Variants in CACNA1D observed in about 807,000 individuals in gnomAD.
The protein encoded by CACNA1D is calcium voltage-gated channel subunit alpha1 D, also known as voltage-dependent L-type calcium channel subunit alpha-1D.
Under a neutral mutation model 257.1 loss-of-function variants are expected in CACNA1D, and 55 were observed. That is an observed-to-expected ratio of 0.21 (90% CI 0.17 to 0.27). CACNA1D has a LOEUF of 0.27. Among genes scored for constraint, CACNA1D ranks in the 10% least tolerant of loss-of-function variants. The pLI is 1.00. For synonymous variants in CACNA1D, 980 were observed against 1,014.9 expected (o/e 0.97, Z 0.65); for missense variants, 1,876 against 2,784.0 (o/e 0.67, Z 7.34).
chr3:53,713,502 ATG>A (rs35655186), intron 9 of CACNA1D, among the ~76,000 whole-genome samples: 23,016 of 129,146 alleles, frequency 0.18, 2,100 homozygotes, highest in Non-Finnish European at 0.23. Flanking sequence ...CTCTGTGTGT[ATG>A]TGTGTGTGTG....
At chr3:53,697,913 G>C (rs1386604637) in intron 8 of CACNA1D, among the ~76,000 whole-genome samples, 1 of 152,024 alleles carries the variant, frequency 6.6e-6, no homozygotes, top group African/African-American at 2.4e-5. Flanking sequence ...CCCTTGCCCT[G>C]GAATCACCCA....
At chr3:53,766,960 C>T (rs774430780) in intron 30 of CACNA1D, among the ~76,000 whole-genome samples, 3 of 152,204 alleles carry the variant, frequency 2.0e-5, no homozygotes, top group Non-Finnish European at 2.9e-5. Flanking sequence ...AGCCCACTTG[C>T]GTTCCAGCTC....
At chr3:53,538,519 T>G (rs2092200046) in intron 3 of CACNA1D, among the ~76,000 whole-genome samples, 1 of 152,162 alleles carries the variant, frequency 6.6e-6, no homozygotes. Context: ...TGTTTTTTGG[T>G]TTTTGTAATT....
chr3:53,581,443 C>T (rs2093131350), intron 3 of CACNA1D, among the ~76,000 whole-genome samples: 1 of 152,258 alleles, frequency 6.6e-6, no homozygotes, highest in Admixed American at 6.5e-5. Flanking sequence ...TCACATCACA[C>T]ACACACAAAG....
intron 43 of CACNA1D, among the ~76,000 whole-genome samples, chr3:53,802,608 A>G (rs549387655): frequency 3.3e-5 from 5 of 152,234 alleles, no homozygotes; most frequent in Non-Finnish European, 4.4e-5. Flanking sequence ...CCCTCAAGAT[A>G]TGTGTAGTAT....
Position 53,598,010 on chromosome 3 carries a change from C to A in CACNA1D, c.484-52769C>A, listed in dbSNP as rs116135415. Among the ~76,000 whole-genome samples the A allele has an allele frequency of 9.4e-3, 1,430 of 152,168 alleles. 31 individuals carry two copies. The highest frequency in any genetic ancestry group is 0.032 in the African/African-American group (1,336 of 41,496). On this transcript the variant is annotated intron_variant, in intron 3 of 47. Transcript: ENST00000350061. Reference sequence around the variant, plus strand: ...CCTGGCAGTTTGATGTTTATCATTTCCTGTCATTGAGGAATGTGTTTTTCT... The same window carrying A: ...CCTGGCAGTTTGATGTTTATCATTTACTGTCATTGAGGAATGTGTTTTTCT...
chr3:53,646,320 C>G (rs1176042139), intron 3 of CACNA1D, among the ~76,000 whole-genome samples: 1 of 152,176 alleles, frequency 6.6e-6, no homozygotes, highest in Non-Finnish European at 1.5e-5. Context: ...CAGTTTGACT[C>G]TTTATTTCAG....
chr3:53,551,882 T>G (rs1333632996), intron 3 of CACNA1D, among the ~76,000 whole-genome samples: 2 of 152,312 alleles, frequency 1.3e-5, no homozygotes, highest in Non-Finnish European at 2.9e-5. Context: ...TTCACTTGGC[T>G]CCATGGTGAA....
rs182216868 is a variant in CACNA1D, at chr3:53,527,286, C to T, written c.483+25566C>T. ...CCATGTCTGTTGGAGCATTCTTCTACTCCAGTGTGGATTTGCCTTTCTGAT... is the reference window on the plus strand; with the variant it reads ...CCATGTCTGTTGGAGCATTCTTCTATTCCAGTGTGGATTTGCCTTTCTGAT... On this transcript the variant is annotated intron_variant, in intron 3 of 47. Coordinates refer to ENST00000350061, the MANE Select transcript of CACNA1D (RefSeq NM_001128840.3). Among the ~76,000 whole-genome samples, 80 of 152,332 alleles carry T rather than the reference C, an allele frequency of 5.3e-4. 1 individual carries two copies. Among genetic ancestry groups the T allele is most frequent in the Admixed American group, 3.2e-3 (49 of 15,302 alleles).
At chr3:53,702,886 G>T in intron 9 of CACNA1D, 76 bp downstream of exon 9, 6 of 1,514,824 alleles carry the variant, frequency 4.0e-6, no homozygotes, top group South Asian at 1.2e-5. Flanking sequence ...GGCCTTCCTC[G>T]ACTCTGACCC....
chr3:53,511,635 C>T (rs2091116131), intron 3 of CACNA1D, among the ~76,000 whole-genome samples: 1 of 152,034 alleles, frequency 6.6e-6, no homozygotes, highest in East Asian at 1.9e-4. Context: ...GGAAGTACTT[C>T]TCATTTCTAT....
chr3:53,513,878 A>C (rs960762349), intron 3 of CACNA1D, among the ~76,000 whole-genome samples: 4 of 152,204 alleles, frequency 2.6e-5, no homozygotes, highest in Non-Finnish European at 4.4e-5. Context: ...TATTCAGCAC[A>C]GTCACATGCT....
At chr3:53,692,034 G>A (rs868853538) in intron 8 of CACNA1D, among the ~76,000 whole-genome samples, 1 of 145,442 alleles carries the variant, frequency 6.9e-6, no homozygotes, top group Non-Finnish European at 1.5e-5. Context: ...ATGCACTGTG[G>A]CCAAATACAC....
Position 53,779,970 on chromosome 3 carries a change from T to C in CACNA1D, c.4588-56T>C, listed in dbSNP as rs559298544. ...AACGGAAAATAAACATCCAAAAGGA[T>C]ATGGTCGTGGTCACTCATTTGCATT... is the stretch of plus-strand genomic sequence containing the variant. On this transcript the variant is annotated intron_variant, in intron 37 of 47. Coordinates refer to ENST00000350061, the MANE Select transcript of CACNA1D (RefSeq NM_001128840.3). 50 of 1,156,232 alleles carry C rather than the reference T, an allele frequency of 4.3e-5. No homozygotes were observed. In the South Asian group the frequency reaches 5.8e-4, roughly 14 times the overall value. The allele number at this position is 1,156,232 out of a possible 1,614,324, so 71.6% of individuals were successfully genotyped here. A position where few individuals can be genotyped will look rare whatever the true frequency, so the allele number is the denominator to read the frequency against.
rs1054345746 is a variant in CACNA1D at position 53,672,583 on chromosome 3, A to C, written c.1117-440A>C. ...ACAAACTTTAAACACAAAGTCTAAA[A>C]TCTTGGGCAGCATAGAAAATAGGTT... On this transcript the variant is annotated intron_variant, in intron 7 of 47. Transcript: ENST00000350061. 2.0e-5 allele frequency among the ~76,000 whole-genome samples: 3 copies of C among 152,182 alleles called. No homozygotes were observed. The South Asian group carries it at 6.2e-4, about 31-fold the overall frequency.
chr3:53,552,618 T>C (rs1390562690), intron 3 of CACNA1D, among the ~76,000 whole-genome samples: 4 of 152,152 alleles, frequency 2.6e-5, no homozygotes, highest in African/African-American at 9.7e-5. Context: ...TGACCTCAAG[T>C]GATCTGCCCG....
chr3:53,808,111 T>C (rs2095576267), intron 45 of CACNA1D: 1 of 167,574 alleles, frequency 6.0e-6, no homozygotes, highest in Admixed American at 5.8e-5. Flanking sequence ...AGTTGCCCTA[T>C]GGGCTGCCTT....
At chr3:53,552,803 T>A (rs955679707) in intron 3 of CACNA1D, among the ~76,000 whole-genome samples, 20 of 152,252 alleles carry the variant, frequency 1.3e-4, no homozygotes, top group African/African-American at 4.8e-4. Flanking sequence ...AACTTGGAAC[T>A]GCTGCCATAC....
chr3:53,625,723 A>G (rs2093750683), intron 3 of CACNA1D, among the ~76,000 whole-genome samples: 1 of 152,200 alleles, frequency 6.6e-6, no homozygotes, highest in South Asian at 2.1e-4. Flanking sequence ...TATAATCCAT[A>G]ACCACCCAGA....
Sources: allele counts gnomAD v4.1 joint callset (sites outside exome capture counted in the v4.1 genomes callset), GRCh38; gene constraint gnomAD v4.1.1; transcripts MANE v1.5; gene names NCBI Gene and HGNC (gene_info 2026-07-23, HGNC 2026-07-21).